Variants in CSMD1 observed in about 807,000 individuals in gnomAD.
CSMD1 encodes the protein CUB and Sushi multiple domains 1, also known as CUB and sushi domain-containing protein 1.
Under a neutral mutation model 417.5 loss-of-function variants are expected in CSMD1, and 213 were observed. The observed-to-expected ratio is 0.51, with a 90% CI of 0.46 to 0.57. CSMD1 has a LOEUF of 0.57. Ranked by LOEUF, CSMD1 falls within the 20% of genes least tolerant of loss-of-function variation. The pLI is 0.00. For synonymous variants in CSMD1, 2,862 were observed against 1,736.8 expected, an observed-to-expected ratio of 1.65 and a Z score of -16.11; for missense variants, 6,923 against 4,529.7, an observed-to-expected ratio of 1.53 and a Z score of -15.17.
At chr8:3,896,445 C>A (rs1807371282) in intron 5 of CSMD1, among the ~76,000 whole-genome samples, 1 of 152,102 alleles carries the variant, frequency 6.6e-6, no homozygotes, top group Non-Finnish European at 1.5e-5. Context: ...AAACGTTGAA[C>A]ACTTGGGAGA....
chr8:3,993,339 C>T (rs1371142011), intron 5 of CSMD1, among the ~76,000 whole-genome samples: 1 of 152,180 alleles, frequency 6.6e-6, no homozygotes, highest in African/African-American at 2.4e-5. Context: ...TGTTACTCAG[C>T]ATGTTCCTCT....
chr8:3,737,379 T>A (rs920025185), intron 6 of CSMD1, among the ~76,000 whole-genome samples: 3 of 152,246 alleles, frequency 2.0e-5, no homozygotes, highest in Non-Finnish European at 4.4e-5. Context: ...TTCTTCATTG[T>A]GCAATCTTTA....
intron 23 of CSMD1, among the ~76,000 whole-genome samples, chr8:3,311,009 CT>C (rs1805298822): frequency 6.6e-6 from 1 of 152,158 alleles, no homozygotes; most frequent in Admixed American, 6.5e-5. Context: ...CCTACACAGG[CT>C]GCTCAACTTA....
At chr8:4,565,379 C>G (rs949470796) in intron 2 of CSMD1, among the ~76,000 whole-genome samples, 4 of 152,074 alleles carry the variant, frequency 2.6e-5, no homozygotes, top group Admixed American at 2.0e-4. Flanking sequence ...CTGTGGTATG[C>G]CCACACTTAA....
intron 3 of CSMD1, among the ~76,000 whole-genome samples, chr8:4,197,707 T>C (rs1344821334): frequency 6.6e-6 from 1 of 152,158 alleles, no homozygotes; most frequent in East Asian, 1.9e-4. Flanking sequence ...AGTGAAGCTC[T>C]GTCTCTACTA....
At chr8:3,384,443 C>A (rs1401751519) in intron 18 of CSMD1, among the ~76,000 whole-genome samples, 2 of 151,184 alleles carry the variant, frequency 1.3e-5, no homozygotes, top group African/African-American at 2.4e-5. Context: ...TACTAGAATC[C>A]TTACGCTATT....
chr8:3,859,238 T>C (rs1169496665), intron 5 of CSMD1, among the ~76,000 whole-genome samples: 3 of 152,228 alleles, frequency 2.0e-5, no homozygotes, highest in Non-Finnish European at 4.4e-5. Context: ...ACTTCTCAAG[T>C]GAACGCCATT....
At chr8:4,940,662 C>T (rs1771838582) in intron 1 of CSMD1, among the ~76,000 whole-genome samples, 1 of 152,174 alleles carries the variant, frequency 6.6e-6, no homozygotes, top group Non-Finnish European at 1.5e-5. Context: ...TTCTTTAACA[C>T]ATAAAACAAA....
chr8:4,031,380 C>A (rs1797335826), intron 4 of CSMD1, among the ~76,000 whole-genome samples: 1 of 152,186 alleles, frequency 6.6e-6, no homozygotes, highest in Non-Finnish European at 1.5e-5. Flanking sequence ...TGCATGGCAG[C>A]AGGCAAAGAG....
chr8:4,691,743 T>TGTAGTGTA (rs1563151800), intron 1 of CSMD1, among the ~76,000 whole-genome samples: 3 of 152,222 alleles, frequency 2.0e-5, no homozygotes, highest in African/African-American at 7.2e-5. Flanking sequence ...ACATTGGGAA[T>TGTAGTGTA]CTGTAGCTAT....
At chr8:3,911,368 A>T (rs556413349) in intron 5 of CSMD1, among the ~76,000 whole-genome samples, 1 of 151,854 alleles carries the variant, frequency 6.6e-6, no homozygotes, top group Non-Finnish European at 1.5e-5. Context: ...CTCTACTAAA[A>T]ATACAAAAAA....
intron 63 of CSMD1, among the ~76,000 whole-genome samples, chr8:2,956,995 T>C (rs1803061276): frequency 6.6e-6 from 1 of 152,010 alleles, no homozygotes; most frequent in Non-Finnish European, 1.5e-5. Context: ...CCTTATATAC[T>C]GAGATTTTTA....
At chr8:4,109,610 T>C (rs1295471521) in intron 3 of CSMD1, among the ~76,000 whole-genome samples, 1 of 152,164 alleles carries the variant, frequency 6.6e-6, no homozygotes, top group Non-Finnish European at 1.5e-5. Flanking sequence ...TTGGATATTG[T>C]TGGAATCAAA....
At chr8:4,553,613 C>G (rs984908907) in intron 2 of CSMD1, among the ~76,000 whole-genome samples, 1 of 152,006 alleles carries the variant, frequency 6.6e-6, no homozygotes, top group Non-Finnish European at 1.5e-5. Context: ...ACTTTAGAAA[C>G]CAGCTTAGCT....
At chr8:4,211,019 T>A (rs1181451305) in intron 3 of CSMD1, among the ~76,000 whole-genome samples, 1 of 152,130 alleles carries the variant, frequency 6.6e-6, no homozygotes, top group Non-Finnish European at 1.5e-5. Flanking sequence ...GAAATAAAAG[T>A]TTCAAAAATA....
chr8:3,270,685 C>A (rs1801780169), intron 26 of CSMD1, among the ~76,000 whole-genome samples: 1 of 152,130 alleles, frequency 6.6e-6, no homozygotes, highest in Non-Finnish European at 1.5e-5. Context: ...AATAAACATA[C>A]AAAACCATTT....
At chr8:4,521,530 G>A (rs928535669) in intron 2 of CSMD1, among the ~76,000 whole-genome samples, 1 of 152,084 alleles carries the variant, frequency 6.6e-6, no homozygotes, top group African/African-American at 2.4e-5. Context: ...TTTCCTTCTT[G>A]TCTACTATAG....
intron 10 of CSMD1, among the ~76,000 whole-genome samples, chr8:3,558,586 GT>G (rs1799310332): frequency 3.8e-5 from 5 of 132,840 alleles, no homozygotes; most frequent in Admixed American, 7.1e-5. Flanking sequence ...GATGAATGGT[GT>G]CTCAATAGTA....
intron 10 of CSMD1, among the ~76,000 whole-genome samples, chr8:3,517,873 A>T (rs954101008): frequency 1.3e-5 from 2 of 152,172 alleles, no homozygotes; most frequent in African/African-American, 4.8e-5. Context: ...TTACAACCCC[A>T]TTCTTAAAGG....
Sources: gnomAD v4.1 joint callset for allele counts (sites outside exome capture counted in the v4.1 genomes callset) on GRCh38, gnomAD v4.1.1 for gene constraint, MANE v1.5 for transcripts, NCBI Gene and HGNC (gene_info 2026-07-23, HGNC 2026-07-21) for gene names.